The following ERBB4 variants were observed in gnomAD, a reference collection of about 807,000 sequenced individuals.
ERBB4 encodes erb-b2 receptor tyrosine kinase 4.
Under a neutral mutation model 158.0 loss-of-function variants are expected in ERBB4, and 42 were observed. That is an observed-to-expected ratio of 0.27 (90% CI 0.21 to 0.34). The LOEUF (loss-of-function observed/expected upper bound fraction) is 0.34, where lower values mean the gene tolerates loss of function less well. Ranked by LOEUF, ERBB4 falls within the 10% of genes least tolerant of loss-of-function variation. The pLI is 1.00. For missense variants in ERBB4, 1,333 were observed against 1,624.1 expected (o/e 0.82, Z 3.08); for synonymous variants, 583 against 558.7 (o/e 1.04, Z -0.61).
intron 20 of ERBB4, among the ~76,000 whole-genome samples, chr2:211,484,067 ATACTG>A (rs2065146416): frequency 6.6e-6 from 1 of 152,236 alleles, no homozygotes; most frequent in South Asian, 2.1e-4. Flanking sequence ...TAGAGTTCTA[ATACTG>A]TATGTGAAGC....
chr2:211,474,008 C>T (rs2064894025), intron 20 of ERBB4, among the ~76,000 whole-genome samples: 2 of 151,856 alleles, frequency 1.3e-5, no homozygotes. Context: ...GGTTTTTCTC[C>T]CTTCTTTGAG....
At chr2:212,160,880 C>T (rs1391982635) in intron 1 of ERBB4, among the ~76,000 whole-genome samples, 2 of 151,860 alleles carry the variant, frequency 1.3e-5, no homozygotes, top group African/African-American at 4.8e-5. Flanking sequence ...GAAGGGGAAG[C>T]GCTTGATCTC....
At chr2:211,827,500 T>C (rs1425735097) in intron 3 of ERBB4, among the ~76,000 whole-genome samples, 1 of 152,096 alleles carries the variant, frequency 6.6e-6, no homozygotes, top group Non-Finnish European at 1.5e-5. Flanking sequence ...TTGTAGTTAA[T>C]TAAAAATGAA....
At chr2:211,786,645 C>T (rs896837215) in intron 4 of ERBB4, among the ~76,000 whole-genome samples, 1 of 152,164 alleles carries the variant, frequency 6.6e-6, no homozygotes, top group Non-Finnish European at 1.5e-5. Context: ...GGTGGGCACA[C>T]TTCCCTTTTG....
intron 3 of ERBB4, among the ~76,000 whole-genome samples, chr2:211,939,292 C>T (rs2080418788): frequency 6.6e-6 from 1 of 152,002 alleles, no homozygotes; most frequent in South Asian, 2.1e-4. Context: ...ACAAGGTTCA[C>T]CTGATTAGCC....
At chr2:212,260,083 AAAG>A (rs1319943700) in intron 1 of ERBB4, among the ~76,000 whole-genome samples, 2 of 151,896 alleles carry the variant, frequency 1.3e-5, no homozygotes, top group Middle Eastern at 3.4e-3. Context: ...AAAAAAAAAA[AAAG>A]AAAAGAAAAG....
At position 211,643,140 on chromosome 2, in the gene ERBB4, C is replaced by T. The variant is rs111999383; in HGVS notation, c.1947-12546G>A. ...CCTAACACACTAGTGATTTTTAAAA[C>T]GTTAAGTAACAACTTCCTCAGTCTC... On this transcript the variant is annotated intron_variant, in intron 16 of 27. Coordinates refer to ENST00000342788, the MANE Select transcript of ERBB4 (RefSeq NM_005235.3). Among the ~76,000 whole-genome samples, 124 of 152,160 alleles carry T rather than the reference C, an allele frequency of 8.1e-4. 1 individual carries two copies. The highest frequency in any genetic ancestry group is 1.5e-3 in the Non-Finnish European group (102 of 67,968).
intron 2 of ERBB4, among the ~76,000 whole-genome samples, chr2:212,032,822 A>G (rs2125352966): frequency 1.3e-5 from 2 of 152,078 alleles, no homozygotes; most frequent in Middle Eastern, 6.8e-3. Context: ...TGAAATAAGA[A>G]ATTATAGGAA....
intron 1 of ERBB4, among the ~76,000 whole-genome samples, chr2:212,296,539 T>A (rs371760157): frequency 3.9e-5 from 6 of 152,042 alleles, no homozygotes; most frequent in Middle Eastern, 6.8e-3. Flanking sequence ...CAGAATTAAA[T>A]CAGTATACCC....
At chr2:211,576,552 G>T (rs558042706) in intron 19 of ERBB4, among the ~76,000 whole-genome samples, 1 of 152,228 alleles carries the variant, frequency 6.6e-6, no homozygotes, top group East Asian at 1.9e-4. Context: ...CTTTGGGAAT[G>T]TTTGCAGGAA....
chr2:212,417,797 TAA>T (rs2091691877), intron 1 of ERBB4, among the ~76,000 whole-genome samples: 1 of 152,016 alleles, frequency 6.6e-6, no homozygotes, highest in Non-Finnish European at 1.5e-5. Context: ...GACACAGAAA[TAA>T]GTTACACTTT....
intron 1 of ERBB4, among the ~76,000 whole-genome samples, chr2:212,193,741 A>G (rs958305926): frequency 5.3e-5 from 8 of 152,118 alleles, no homozygotes; most frequent in Non-Finnish European, 1.0e-4. Flanking sequence ...TGTCATCAAT[A>G]ATGGATATCT....
chr2:211,855,314 T>C (rs72931675), intron 3 of ERBB4, among the ~76,000 whole-genome samples: 32,478 of 151,972 alleles, frequency 0.21, 3,543 homozygotes, highest in South Asian at 0.32. Context: ...CTTAAAATTA[T>C]GCCCTTTGAT....
intron 1 of ERBB4, among the ~76,000 whole-genome samples, chr2:212,197,129 T>C (rs904495588): frequency 2.6e-5 from 4 of 152,182 alleles, no homozygotes; most frequent in African/African-American, 7.2e-5. Flanking sequence ...TGGCCTGTAG[T>C]GTCCCAGCTG....
In ERBB4 at chr2:211,889,050, G is replaced by A. The variant is rs1367373413; in HGVS notation, c.421+58380C>T. On this transcript the variant is annotated intron_variant, in intron 3 of 27. Coordinates refer to ENST00000342788, the MANE Select transcript of ERBB4 (RefSeq NM_005235.3). ...CTCGAACTGGGTAGAGCCCACCACA[G>A]CTCAAGAAGGCCTGCCTGCCTCTGT... Among the ~76,000 whole-genome samples, 20 of 142,036 alleles carry A rather than the reference G, an allele frequency of 1.4e-4. No homozygotes were observed. In the East Asian group the frequency reaches 3.3e-3, roughly 23 times the overall value. 93.2% of individuals were successfully genotyped at this position (142,036 alleles called of 152,430 possible).
chr2:212,129,396 T>C (rs898428231), intron 1 of ERBB4, among the ~76,000 whole-genome samples: 11 of 151,318 alleles, frequency 7.3e-5, no homozygotes, highest in African/African-American at 2.4e-4. Context: ...ATTCTACATA[T>C]ATAAAAAGGT....
rs768512849 is a variant in ERBB4, at chr2:212,493,811, AT to A, written c.82+44637del. On this transcript the variant is annotated intron_variant, in intron 1 of 27. Coordinates refer to ENST00000342788, the MANE Select transcript of ERBB4 (RefSeq NM_005235.3). ...TGTGATTTTAAGTAGTAATCTCAGA[AT>A]TTTTGTTAATCGATTACTCTCTTCA... 5.3e-5 allele frequency among the ~76,000 whole-genome samples: 8 copies of A among 151,816 alleles called. No individual in the cohort carries two copies. The East Asian group carries it at 1.5e-3, about 29-fold the overall frequency.
chr2:211,781,318 C>T (rs1040054942), intron 4 of ERBB4, among the ~76,000 whole-genome samples: 5 of 152,158 alleles, frequency 3.3e-5, no homozygotes, highest in African/African-American at 9.7e-5. Flanking sequence ...GCAGGCAGAA[C>T]ATCTGGTTAA....
chr2:211,947,876 CCTT>C (rs2080747413), intron 2 of ERBB4, among the ~76,000 whole-genome samples: 1 of 152,182 alleles, frequency 6.6e-6, no homozygotes, highest in African/African-American at 2.4e-5. Context: ...GTTTATGGGA[CCTT>C]CTTCATACCT....
Sources: gnomAD v4.1 joint callset for allele counts (sites outside exome capture counted in the v4.1 genomes callset) on GRCh38, gnomAD v4.1.1 for gene constraint, MANE v1.5 for transcripts, NCBI Gene and HGNC (gene_info 2026-07-23, HGNC 2026-07-21) for gene names.